The following APBB2 variants were observed in gnomAD, a reference collection of about 807,000 sequenced individuals.
APBB2 encodes Fe65-like 1.
APBB2 carries 38 observed loss-of-function variants against 82.5 expected under a neutral mutation model. That is an observed-to-expected ratio of 0.46 (90% confidence interval 0.36 to 0.60). The LOEUF (loss-of-function observed/expected upper bound fraction) is 0.60. Among genes scored for constraint, APBB2 ranks in the 20% least tolerant of loss-of-function variants. The pLI is 0.00. For missense variants in APBB2, 772 were observed against 972.3 expected, an observed-to-expected ratio of 0.79 and a Z score of 2.74; for synonymous variants, 341 against 368.2, an observed-to-expected ratio of 0.93 and a Z score of 0.85.
chr4:41,070,494 G>A (rs1459942855), intron 3 of APBB2, among the ~76,000 whole-genome samples: 3 of 152,052 alleles, frequency 2.0e-5, no homozygotes, highest in African/African-American at 4.8e-5. Context: ...TAGAGACAGG[G>A]TTTTACCACA....
chr4:41,167,609 T>C (rs537027381), intron 1 of APBB2, among the ~76,000 whole-genome samples: 3 of 152,338 alleles, frequency 2.0e-5, no homozygotes, highest in Admixed American at 2.0e-4. Flanking sequence ...TAGTGAATAA[T>C]GCAAGTGCCT....
At chr4:40,928,921 T>C (rs962473824) in intron 10 of APBB2, among the ~76,000 whole-genome samples, 1 of 149,986 alleles carries the variant, frequency 6.7e-6, no homozygotes, top group Non-Finnish European at 1.5e-5. Flanking sequence ...AACGAACGAA[T>C]GAATACATGC....
chr4:40,858,788 G>A (rs2164345), intron 12 of APBB2, among the ~76,000 whole-genome samples: 59,281 of 151,702 alleles, frequency 0.39, 12,649 homozygotes, highest in Non-Finnish European at 0.5. Context: ...TTCTAGGGAG[G>A]GCAAGATTTA....
At chr4:41,118,667 C>A (rs750213269) in intron 2 of APBB2, among the ~76,000 whole-genome samples, 11 of 152,134 alleles carry the variant, frequency 7.2e-5, no homozygotes, top group Non-Finnish European at 1.5e-4. Context: ...ATATGTGGTA[C>A]TTTTTATATG....
rs369916931 is a variant in APBB2 at position 40,816,277 on chromosome 4, G to A, written c.2113-18C>T. On this transcript the variant is annotated intron_variant, in intron 17 of 17. Transcript: ENST00000508593. The stretch of plus-strand genomic sequence containing the variant: ...TATCGTAACTGAAATAAAACAAAAC[G>A]TGTTTTAAGGTAATTAACAACATAT... The A allele has an allele frequency of 3.0e-4, 482 of 1,613,356 alleles. No homozygotes were observed. In the African/African-American group the frequency reaches 5.1e-3, roughly 17 times the overall value.
intron 6 of APBB2, among the ~76,000 whole-genome samples, chr4:41,012,348 G>A (rs1373349227): frequency 6.6e-6 from 1 of 152,156 alleles, no homozygotes; most frequent in Non-Finnish European, 1.5e-5. Flanking sequence ...AGGTGACAAT[G>A]TCTATCAGCT....
At chr4:40,893,741 A>G (rs1262607165) in intron 10 of APBB2, among the ~76,000 whole-genome samples, 1 of 152,134 alleles carries the variant, frequency 6.6e-6, no homozygotes, top group East Asian at 1.9e-4. Context: ...TGGGAGGCTG[A>G]GGTGGGTGGA....
chr4:40,900,756 CTTTT>C (rs71988912), intron 10 of APBB2, among the ~76,000 whole-genome samples: 18,340 of 130,008 alleles, frequency 0.14, 1,284 homozygotes, highest in Middle Eastern at 0.22. Context: ...TGAGCCCGGG[CTTTT>C]TTTTTTTTTT....
intron 3 of APBB2, among the ~76,000 whole-genome samples, chr4:41,073,670 G>A (rs12503462): frequency 0.038 from 5,772 of 152,036 alleles, 155 homozygotes; most frequent in Non-Finnish European, 0.057. Flanking sequence ...TTTTTTCTCC[G>A]TGGTAATGGT....
intron 4 of APBB2, among the ~76,000 whole-genome samples, chr4:41,055,095 G>T (rs1361490816): frequency 6.6e-6 from 1 of 152,132 alleles, no homozygotes; most frequent in Non-Finnish European, 1.5e-5. Context: ...GGCCACCCTG[G>T]CTCCTTGCCA....
chr4:41,082,556 A>G (rs960759338), intron 3 of APBB2, among the ~76,000 whole-genome samples: 2 of 148,738 alleles, frequency 1.3e-5, no homozygotes, highest in African/African-American at 5.0e-5. Context: ...GGCTTCTACA[A>G]AGTTATGTTT....
intron 12 of APBB2, among the ~76,000 whole-genome samples, chr4:40,874,783 T>C (rs540007236): frequency 1.3e-5 from 2 of 152,306 alleles, no homozygotes; most frequent in African/African-American, 4.8e-5. Flanking sequence ...TTGCATACAG[T>C]GTTTCCCAAA....
intron 3 of APBB2, among the ~76,000 whole-genome samples, chr4:41,090,662 T>C (rs967144833): frequency 6.6e-6 from 1 of 152,208 alleles, no homozygotes; most frequent in Non-Finnish European, 1.5e-5. Context: ...ATTTAATTTA[T>C]GATCGAAACC....
intron 2 of APBB2, among the ~76,000 whole-genome samples, chr4:41,116,081 T>G (rs971048480): frequency 2.0e-5 from 3 of 152,160 alleles, no homozygotes; most frequent in African/African-American, 7.2e-5. Flanking sequence ...CCATCAATGA[T>G]AGACTGGATA....
chr4:40,979,299 A>G (rs139121394), intron 6 of APBB2, among the ~76,000 whole-genome samples: 2 of 152,218 alleles, frequency 1.3e-5, no homozygotes, highest in African/African-American at 4.8e-5. Flanking sequence ...TTGGACACAT[A>G]AAAGAATTCT....
At chr4:41,079,548 A>G (rs907584858) in intron 3 of APBB2, among the ~76,000 whole-genome samples, 11 of 142,866 alleles carry the variant, frequency 7.7e-5, no homozygotes, top group Non-Finnish European at 1.4e-4. Flanking sequence ...TAGGCTCATC[A>G]ATTTTTTTTT....
At position 41,013,607 on chromosome 4, in the gene APBB2, A is replaced by G; in HGVS notation, c.811T>C (p.Ser271Pro). Reference sequence around the variant, plus strand: ...CCTGTTTCATCCGGGGAGCTGGGTGAGGCACTGTCTTGGGACAACGTTGTC... The same window carrying G: ...CCTGTTTCATCCGGGGAGCTGGGTGGGGCACTGTCTTGGGACAACGTTGTC... Reference protein sequence around the residue: ...SWTTLSQDSASPSSPDETADI... With the variant: ...SWTTLSQDSAPPSSPDETADI... The change falls in exon 6 of 18, where the codon TCA becomes CCA. Residue 271 changes from serine to proline, a missense_variant. Transcript: ENST00000508593. 1 of 1,613,518 alleles carries G rather than the reference A, an allele frequency of 6.2e-7. No homozygotes were observed. Among genetic ancestry groups the G allele is most frequent in the East Asian group, 2.2e-5 (1 of 44,850 alleles).
chr4:40,977,414 G>A (rs1797450657), intron 6 of APBB2, among the ~76,000 whole-genome samples: 1 of 151,084 alleles, frequency 6.6e-6, no homozygotes, highest in African/African-American at 2.4e-5. Context: ...CCAGGTTCAA[G>A]CGATTCTCAT....
chr4:40,997,935 G>A (rs1432749972), intron 6 of APBB2, among the ~76,000 whole-genome samples: 1 of 152,166 alleles, frequency 6.6e-6, no homozygotes, highest in Non-Finnish European at 1.5e-5. Context: ...AAAAGTACAC[G>A]TGATTGAGTT....
Sources: gnomAD v4.1 joint callset for allele counts (sites outside exome capture counted in the v4.1 genomes callset) on GRCh38, gnomAD v4.1.1 for gene constraint, MANE v1.5 for transcripts, NCBI Gene and HGNC (gene_info 2026-07-23, HGNC 2026-07-21) for gene names.